The following RASAL2 variants were observed in gnomAD, a reference collection of about 807,000 sequenced individuals.
RASAL2 encodes ras GTPase-activating protein nGAP.
Under a neutral mutation model 128.9 loss-of-function variants are expected in RASAL2, and 58 were observed. The observed-to-expected ratio is 0.45, with a 90% CI of 0.36 to 0.56. The LOEUF (loss-of-function observed/expected upper bound fraction) is 0.56. Ranked by LOEUF, RASAL2 falls within the 20% of genes least tolerant of loss-of-function variation. The pLI is 0.00. For synonymous variants in RASAL2, 561 were observed against 580.8 expected (o/e 0.97, Z 0.49); for missense variants, 1,360 against 1,601.6 (o/e 0.85, Z 2.57).
intron 1 of RASAL2, among the ~76,000 whole-genome samples, chr1:178,245,486 T>G (rs1303176662): frequency 6.6e-6 from 1 of 152,224 alleles, no homozygotes; most frequent in African/African-American, 2.4e-5. Flanking sequence ...CTTTGTCAGA[T>G]GGGTAGATTA....
At chr1:178,431,364 A>G (rs1279911067) in intron 5 of RASAL2, among the ~76,000 whole-genome samples, 1 of 152,110 alleles carries the variant, frequency 6.6e-6, no homozygotes, top group Non-Finnish European at 1.5e-5. Flanking sequence ...TCATAATTAA[A>G]GAAATGCACA....
intron 4 of RASAL2, among the ~76,000 whole-genome samples, chr1:178,401,580 G>A (rs922074636): frequency 3.3e-5 from 5 of 152,154 alleles, no homozygotes; most frequent in Non-Finnish European, 5.9e-5. Flanking sequence ...GTTTCAGGCC[G>A]TAGTGCGGAT....
intron 3 of RASAL2, among the ~76,000 whole-genome samples, chr1:178,346,323 G>T (rs1281023376): frequency 6.6e-6 from 1 of 151,788 alleles, no homozygotes; most frequent in Non-Finnish European, 1.5e-5. Context: ...GATTGCTTGA[G>T]CCCAGGAATC....
At chr1:178,377,736 G>A (rs369341097) in intron 3 of RASAL2, among the ~76,000 whole-genome samples, 2 of 152,152 alleles carry the variant, frequency 1.3e-5, no homozygotes, top group South Asian at 2.1e-4. Context: ...AATCACAGTC[G>A]TGATAAGGTA....
intron 4 of RASAL2, among the ~76,000 whole-genome samples, chr1:178,414,572 G>A (rs1674631150): frequency 6.6e-6 from 1 of 151,986 alleles, no homozygotes; most frequent in South Asian, 2.1e-4. Context: ...GAGGAACATT[G>A]GAAATCTTTA....
At chr1:178,159,414 G>A (rs1661193878) in intron 1 of RASAL2, among the ~76,000 whole-genome samples, 1 of 152,148 alleles carries the variant, frequency 6.6e-6, no homozygotes, top group Admixed American at 6.6e-5. Flanking sequence ...TTATTTCAGA[G>A]TAGTGCCAAG....
intron 14 of RASAL2, among the ~76,000 whole-genome samples, chr1:178,460,832 G>A (rs2102923305): frequency 6.7e-6 from 1 of 149,656 alleles, no homozygotes; most frequent in African/African-American, 2.5e-5. Flanking sequence ...TTATTTTTTT[G>A]AAACAGAGTC....
intron 3 of RASAL2, among the ~76,000 whole-genome samples, chr1:178,359,649 C>T (rs1009369595): frequency 3.3e-5 from 5 of 152,206 alleles, no homozygotes; most frequent in African/African-American, 9.6e-5. Flanking sequence ...AATTACACTA[C>T]TGCTGTAAAA....
intron 3 of RASAL2, among the ~76,000 whole-genome samples, chr1:178,329,898 A>T (rs1407306557): frequency 6.6e-6 from 1 of 152,140 alleles, no homozygotes; most frequent in Non-Finnish European, 1.5e-5. Flanking sequence ...AATCTTGGTG[A>T]AAGGAAGTCT....
At chr1:178,194,326 TAA>T (rs1021355798) in intron 1 of RASAL2, 81 of 225,340 alleles carry the variant, frequency 3.6e-4, no homozygotes, top group African/African-American at 1.7e-3. Context: ...CAAAACTCCA[TAA>T]AAACTGCCTT....
At chr1:178,161,802 T>C (rs1661308357) in intron 1 of RASAL2, among the ~76,000 whole-genome samples, 1 of 152,090 alleles carries the variant, frequency 6.6e-6, no homozygotes, top group African/African-American at 2.4e-5. Context: ...GGGTGTGAAG[T>C]GGCATCTCTG....
At chr1:178,331,203 G>A (rs1335776988) in intron 3 of RASAL2, among the ~76,000 whole-genome samples, 2 of 152,044 alleles carry the variant, frequency 1.3e-5, no homozygotes, top group African/African-American at 4.8e-5. Context: ...TTTTTAAGAC[G>A]GGGTTTTGCT....
chr1:178,094,482 C>T lies in RASAL2; in HGVS notation c.-11C>T, dbSNP rs1264572165. 5.2e-6 allele frequency: 8 copies of T among 1,542,192 alleles called. No homozygotes were observed. In the East Asian group the frequency reaches 7.4e-5, roughly 14 times the overall value. The stretch of plus-strand genomic sequence containing the variant: ...AGCCGCCGCCTCGTCCCCCTCCCGC[C>T]TCGGGGCACCATGGAGCTCTCTCCG... On this transcript the variant is annotated 5_prime_UTR_variant, in exon 1 of 18. Coordinates refer to ENST00000367649, the MANE Select transcript of RASAL2 (RefSeq NM_170692.4).
chr1:178,340,110 T>C (rs947209463), intron 3 of RASAL2, among the ~76,000 whole-genome samples: 1 of 152,178 alleles, frequency 6.6e-6, no homozygotes. Flanking sequence ...ACTAGATGAC[T>C]ATGTGCTCCT....
At chr1:178,390,314 T>A in intron 4 of RASAL2, 108 bp downstream of exon 4, 1 of 725,208 alleles carries the variant, frequency 1.4e-6, no homozygotes, top group South Asian at 2.1e-5. Flanking sequence ...CTTCAAGAAT[T>A]TCTTTATAAT....
At chr1:178,158,348 C>T (rs901548018) in intron 1 of RASAL2, among the ~76,000 whole-genome samples, 1 of 152,134 alleles carries the variant, frequency 6.6e-6, no homozygotes, top group Non-Finnish European at 1.5e-5. Context: ...GTCTTATTTA[C>T]CTAATTTGTA....
Position 178,360,164 on chromosome 1 carries a change from C to T in RASAL2, c.458-29936C>T, listed in dbSNP as rs1671032043. ...TATCTCATATCCTATTTAACTCCAC[C>T]CCCAACCCCACCATGGAGTAGGAGA... On this transcript the variant is annotated intron_variant, in intron 3 of 17. Coordinates refer to ENST00000367649, the MANE Select transcript of RASAL2 (RefSeq NM_170692.4). Among the ~76,000 whole-genome samples the T allele has an allele frequency of 1.3e-5, 2 of 152,090 alleles. 1 individual carries two copies. The highest frequency in any genetic ancestry group is 1.3e-4 in the Admixed American group (2 of 15,272).
Position 178,470,496 on chromosome 1 carries a change from A to T in RASAL2, c.3679-2579A>T, listed in dbSNP as rs116270394. ...AGGGGCCATAGGGATCCTAGTGGTG[A>T]TCATAAGGATCCATTTCTTAAATAT... On this transcript the variant is annotated intron_variant, in intron 17 of 17. Transcript: ENST00000367649. Among the ~76,000 whole-genome samples, 398 of 152,268 alleles carry T rather than the reference A, an allele frequency of 2.6e-3. 2 individuals are homozygous for T. The highest frequency in any genetic ancestry group is 4.6e-3 in the Non-Finnish European group (312 of 68,020).
chr1:178,242,667 T>G (rs2102057171), intron 1 of RASAL2, among the ~76,000 whole-genome samples: 1 of 152,226 alleles, frequency 6.6e-6, no homozygotes, highest in Non-Finnish European at 1.5e-5. Context: ...CATTATTTCT[T>G]TGAATACCCT....
Sources: gnomAD v4.1 joint callset for allele counts (sites outside exome capture counted in the v4.1 genomes callset) on GRCh38, gnomAD v4.1.1 for gene constraint, MANE v1.5 for transcripts, NCBI Gene and HGNC (gene_info 2026-07-23, HGNC 2026-07-21) for gene names.